VWA3B: variants seen among roughly 807,000 people sequenced by gnomAD.
The protein encoded by VWA3B is von Willebrand factor A domain containing 3B.
VWA3B carries 138 observed loss-of-function variants against 158.3 expected under a neutral mutation model. The ratio of observed to expected loss-of-function variants is 0.87; its 90% CI spans 0.76 to 1.00. The LOEUF is 1.00. Among genes scored for constraint, VWA3B ranks in the 50% least tolerant of loss-of-function variants. VWA3B has a pLI of 0.00. For synonymous variants in VWA3B, 596 were observed against 587.3 expected (o/e 1.01, Z -0.21); for missense variants, 1,555 against 1,565.1 (o/e 0.99, Z 0.11).
intron 22 of VWA3B, among the ~76,000 whole-genome samples, chr2:98,285,447 G>A (rs1480031997): frequency 6.6e-6 from 1 of 151,864 alleles, no homozygotes; most frequent in Non-Finnish European, 1.5e-5. Context: ...TCTTGATGAG[G>A]TATATGAAAT....
chr2:98,298,962 A>C (rs1000303583), intron 24 of VWA3B, among the ~76,000 whole-genome samples: 1 of 152,204 alleles, frequency 6.6e-6, no homozygotes, highest in Non-Finnish European at 1.5e-5. Context: ...GGCCAATCCA[A>C]GGCACACTCC....
intron 21 of VWA3B, among the ~76,000 whole-genome samples, chr2:98,256,506 T>C (rs1406075624): frequency 6.6e-6 from 1 of 152,174 alleles, no homozygotes; most frequent in African/African-American, 2.4e-5. Context: ...TTAGTTAATG[T>C]AAAAACCTCA....
At position 98,181,159 on chromosome 2, in the gene VWA3B, G is replaced by A; in HGVS notation, c.1258G>A (p.Gly420Arg). The change falls in exon 9 of 28, where the codon GGG (glycine) becomes AGG (arginine). Residue 420 changes from glycine to arginine, a missense_variant. Coordinates refer to ENST00000477737, the MANE Select transcript of VWA3B (RefSeq NM_144992.5). ...LADCSFRHAD[G>R]VVDIKAKPEN... ...CGACTGCTCTTTCCGCCACGCTGAT[G>A]GGGTTGTGGATATAAAAGCCAAACC... 1 of 1,614,206 alleles carries A rather than the reference G, an allele frequency of 6.2e-7. No homozygotes were observed. The highest frequency in any genetic ancestry group is 8.5e-7 in the Non-Finnish European group (1 of 1,180,030).
chr2:98,228,247 A>G lies in VWA3B; in HGVS notation c.2065A>G (p.Ser689Gly). The G allele has an allele frequency of 6.2e-7, 1 of 1,614,106 alleles. No homozygotes were observed. The highest frequency in any genetic ancestry group is 8.5e-7 in the Non-Finnish European group (1 of 1,179,980). Residue 689 changes from serine (S) to glycine (G), a missense_variant, in exon 15 of 28, where the codon AGT becomes GGT. Physicochemically the swap from Ser to Gly is moderately conservative, Grantham distance 56. Coordinates refer to ENST00000477737, the MANE Select transcript of VWA3B (RefSeq NM_144992.5). The stretch of plus-strand genomic sequence containing the variant: ...AGTTAAGGAAATGGAACAGGGTCAC[A>G]GTGATCTGGAGAAGATGCAAGACCT... ...LLVKEMEQGHSDLEKMQDLYS... is the reference protein window; with the variant it reads ...LLVKEMEQGHGDLEKMQDLYS...
intron 2 of VWA3B, among the ~76,000 whole-genome samples, chr2:98,094,001 T>C (rs541920850): frequency 2.0e-4 from 30 of 152,294 alleles, no homozygotes; most frequent in South Asian, 1.0e-3. Context: ...TAGTATTTAA[T>C]TGTGTATATA....
intron 21 of VWA3B, among the ~76,000 whole-genome samples, chr2:98,269,012 A>G: frequency 6.6e-6 from 1 of 152,136 alleles, no homozygotes; most frequent in East Asian, 1.9e-4. Context: ...AGGGGGGCAA[A>G]TGACCAGGAC....
rs1558686887 is a variant in VWA3B at position 98,216,986 on chromosome 2, G to GT, written c.1837-860_1837-859insT. On this transcript the variant is annotated intron_variant, in intron 13 of 27. Transcript: ENST00000477737. ...GTCATGTGTATCATTGTAAGCACCC[G>GT]CCCCGCACCCAGTCTCAGGTGGTCC... is the stretch of plus-strand genomic sequence containing the variant. 2.3e-5 allele frequency: 29 copies of GT among 1,265,488 alleles called. No homozygotes were observed. The African/African-American group carries it at 3.3e-4, about 14-fold the overall frequency. 78.4% of individuals were successfully genotyped at this position (1,265,488 alleles called of 1,614,324 possible).
At chr2:98,245,307 A>G (rs1415772653) in intron 19 of VWA3B, 2 of 275,336 alleles carry the variant, frequency 7.3e-6, no homozygotes, top group African/African-American at 4.4e-5. Context: ...TTTCTTACAG[A>G]AGCCGGGGGT....
At chr2:98,102,357 A>G (rs1683141981) in intron 2 of VWA3B, among the ~76,000 whole-genome samples, 2 of 151,738 alleles carry the variant, frequency 1.3e-5, no homozygotes, top group South Asian at 4.2e-4. Flanking sequence ...CGCCATCGTC[A>G]TCATGGCCTG....
chr2:98,207,569 C>T, intron 12 of VWA3B: 1 of 519,786 alleles, frequency 1.9e-6, no homozygotes, highest in Non-Finnish European at 3.8e-6. Flanking sequence ...GAGGTCATCA[C>T]AGGTCATATG....
chr2:98,118,496 C>T (rs535724026), intron 3 of VWA3B, among the ~76,000 whole-genome samples: 18 of 152,258 alleles, frequency 1.2e-4, no homozygotes, highest in African/African-American at 3.4e-4. Flanking sequence ...ACCGCATCCA[C>T]CTTCAAACAC....
At chr2:98,179,886 C>CCTTT (rs1491364769) in intron 8 of VWA3B, among the ~76,000 whole-genome samples, 1 of 48,160 alleles carries the variant, frequency 2.1e-5, no homozygotes. Flanking sequence ...CTCCCTCCCT[C>CCTTT]TCTCTCTTTC....
At chr2:98,116,585 C>T (rs994204254) in intron 3 of VWA3B, among the ~76,000 whole-genome samples, 4 of 152,170 alleles carry the variant, frequency 2.6e-5, no homozygotes, top group African/African-American at 4.8e-5. Context: ...TGGCTCACTG[C>T]AGCCTTGACC....
chr2:98,139,740 C>T (rs1313721875), intron 7 of VWA3B, among the ~76,000 whole-genome samples: 1 of 152,082 alleles, frequency 6.6e-6, no homozygotes, highest in Non-Finnish European at 1.5e-5. Context: ...CACCAATCAG[C>T]GCCCTGTCAA....
rs898410627 is a variant in VWA3B, at chr2:98,272,849, A to G, written c.3045+1966A>G. 2.6e-5 allele frequency among the ~76,000 whole-genome samples: 4 copies of G among 152,220 alleles called. 1 individual carries two copies. The East Asian group carries it at 7.7e-4, about 29-fold the overall frequency. ...AATGGACCAATGCCATTATCACAGG[A>G]GTGGATTCCTTATTAAAGGAATTCC... On this transcript the variant is annotated intron_variant, in intron 22 of 27. Coordinates refer to ENST00000477737, the MANE Select transcript of VWA3B (RefSeq NM_144992.5).
At chr2:98,148,108 T>A (rs1294592558) in intron 7 of VWA3B, among the ~76,000 whole-genome samples, 9 of 152,180 alleles carry the variant, frequency 5.9e-5, no homozygotes, top group Admixed American at 4.6e-4. Flanking sequence ...ACTCCTGTAG[T>A]TTAGATTTTT....
intron 12 of VWA3B, among the ~76,000 whole-genome samples, chr2:98,209,583 A>G (rs928001420): frequency 3.9e-5 from 6 of 152,080 alleles, no homozygotes; most frequent in Non-Finnish European, 1.5e-5. Flanking sequence ...CCCAGGCAAA[A>G]TTTGGGGTTT....
At chr2:98,255,251 C>G (rs1049756325) in intron 20 of VWA3B, among the ~76,000 whole-genome samples, 1 of 132,622 alleles carries the variant, frequency 7.5e-6, no homozygotes, top group Non-Finnish European at 1.5e-5. Context: ...AGGCTGGTCT[C>G]GAACTCCTGA....
At chr2:98,126,971 C>T (rs1375434640) in intron 5 of VWA3B, among the ~76,000 whole-genome samples, 1 of 133,598 alleles carries the variant, frequency 7.5e-6, no homozygotes, top group Non-Finnish European at 1.6e-5. Flanking sequence ...AGGACTCCCG[C>T]CCCCCACCCT....
Sources: allele counts gnomAD v4.1 joint callset (sites outside exome capture counted in the v4.1 genomes callset), GRCh38; gene constraint gnomAD v4.1.1; transcripts MANE v1.5; gene names NCBI Gene and HGNC (gene_info 2026-07-23, HGNC 2026-07-21).